ZNF423: variants seen among roughly 807,000 people sequenced by gnomAD.
ZNF423 encodes the protein Ebf-associated zinc finger protein.
Under a neutral mutation model 95.8 loss-of-function variants are expected in ZNF423, and 12 were observed. That is an observed-to-expected ratio of 0.13 (90% CI 0.08 to 0.20). ZNF423 has a LOEUF of 0.20. Ranked by LOEUF, ZNF423 falls within the 10% of genes least tolerant of loss-of-function variation. ZNF423 has a pLI of 1.00. For missense variants in ZNF423, 1,316 were observed against 1,737.1 expected (o/e 0.76, Z 4.31); for synonymous variants, 749 against 711.9 (o/e 1.05, Z -0.83).
intron 5 of ZNF423, among the ~76,000 whole-genome samples, chr16:49,552,166 C>T (rs1432263246): frequency 6.6e-6 from 1 of 152,302 alleles, no homozygotes; most frequent in South Asian, 2.1e-4. Context: ...GCAGCTGTTG[C>T]ACCAACTTAT....
intron 4 of ZNF423, among the ~76,000 whole-genome samples, chr16:49,630,656 T>C (rs1222397322): frequency 6.6e-6 from 1 of 152,086 alleles, no homozygotes; most frequent in Non-Finnish European, 1.5e-5. Flanking sequence ...TCCAGAGGCA[T>C]GCAGGGAACA....
intron 5 of ZNF423, among the ~76,000 whole-genome samples, chr16:49,582,077 C>G (rs956078945): frequency 6.6e-6 from 1 of 152,234 alleles, no homozygotes; most frequent in Non-Finnish European, 1.5e-5. Context: ...CAACTCACCA[C>G]GCTCACATAG....
At chr16:49,572,095 C>CT (rs1410404581) in intron 5 of ZNF423, among the ~76,000 whole-genome samples, 2 of 152,186 alleles carry the variant, frequency 1.3e-5, no homozygotes, top group Admixed American at 1.3e-4. Context: ...ACACATGTAA[C>CT]TAAGTCCTGA....
chr16:49,790,091 C>T (rs142164977), intron 1 of ZNF423, among the ~76,000 whole-genome samples: 1 of 152,198 alleles, frequency 6.6e-6, no homozygotes, highest in African/African-American at 2.4e-5. Context: ...TAAGCCCAGG[C>T]TGGTAGAGGC....
chr16:49,566,615 T>G (rs769230451), intron 5 of ZNF423, among the ~76,000 whole-genome samples: 1 of 152,242 alleles, frequency 6.6e-6, no homozygotes, highest in Non-Finnish European at 1.5e-5. Context: ...AGCAGCTGTA[T>G]CTCTTTCATT....
At chr16:49,626,148 C>G in intron 5 of ZNF423, 22 bp downstream of exon 5, 1 of 1,611,188 alleles carries the variant, frequency 6.2e-7, no homozygotes. Context: ...TCCAGCATGG[C>G]TGGGAGGAAA....
At chr16:49,698,754 C>T (rs1442157768) in intron 3 of ZNF423, among the ~76,000 whole-genome samples, 3 of 152,234 alleles carry the variant, frequency 2.0e-5, no homozygotes, top group Non-Finnish European at 2.9e-5. Context: ...TACCCCAGCC[C>T]GTCAGCCAAG....
chr16:49,571,844 C>G (rs1970365905), intron 5 of ZNF423, among the ~76,000 whole-genome samples: 1 of 152,216 alleles, frequency 6.6e-6, no homozygotes, highest in Admixed American at 6.5e-5. Context: ...ATGACCAACA[C>G]TGCAGAGGGC....
chr16:49,802,034 C>T (rs556936314), intron 1 of ZNF423, among the ~76,000 whole-genome samples: 189 of 152,166 alleles, frequency 1.2e-3, no homozygotes, highest in Non-Finnish European at 1.8e-3. Flanking sequence ...TAATTTTTTT[C>T]AGATGCGTCT....
intron 5 of ZNF423, among the ~76,000 whole-genome samples, chr16:49,559,111 C>A (rs1969935303): frequency 6.6e-6 from 1 of 152,250 alleles, no homozygotes; most frequent in African/African-American, 2.4e-5. Flanking sequence ...GACTCCTAAA[C>A]ACCACTCTGA....
chr16:49,578,231 G>T (rs921361694), intron 5 of ZNF423, among the ~76,000 whole-genome samples: 9 of 152,208 alleles, frequency 5.9e-5, no homozygotes, highest in African/African-American at 2.2e-4. Flanking sequence ...TCAGCAACAA[G>T]CTCCCTCTCC....
At chr16:49,657,026 GAA>G (rs1043986694) in intron 3 of ZNF423, among the ~76,000 whole-genome samples, 1 of 152,202 alleles carries the variant, frequency 6.6e-6, no homozygotes, top group African/African-American at 2.4e-5. Flanking sequence ...ATGTCCCAGG[GAA>G]AGAGAGGGAG....
At chr16:49,571,053 G>T (rs1450069933) in intron 5 of ZNF423, among the ~76,000 whole-genome samples, 1 of 152,222 alleles carries the variant, frequency 6.6e-6, no homozygotes, top group Non-Finnish European at 1.5e-5. Context: ...GGCCTAACTG[G>T]AAGAGTCATT....
At chr16:49,610,742 A>G (rs984665785) in intron 5 of ZNF423, among the ~76,000 whole-genome samples, 3 of 152,086 alleles carry the variant, frequency 2.0e-5, no homozygotes, top group African/African-American at 4.8e-5. Flanking sequence ...CTGGAAGGAA[A>G]ATGACTCACC....
chr16:49,508,685 A>G (rs1967758430), intron 7 of ZNF423, among the ~76,000 whole-genome samples: 1 of 152,006 alleles, frequency 6.6e-6, no homozygotes, highest in Non-Finnish European at 1.5e-5. Flanking sequence ...ATGTGAGGAG[A>G]GACCGGGTTA....
chr16:49,633,364 T>G (rs1972567164), intron 4 of ZNF423, among the ~76,000 whole-genome samples: 1 of 152,092 alleles, frequency 6.6e-6, no homozygotes, highest in Non-Finnish European at 1.5e-5. Flanking sequence ...AACGCTAAGG[T>G]CAGCATGAGA....
intron 3 of ZNF423, among the ~76,000 whole-genome samples, chr16:49,714,625 G>GAAAA (rs113583035): frequency 2.9e-5 from 4 of 138,652 alleles, no homozygotes; most frequent in African/African-American, 2.7e-5. Context: ...CAGCCTGGGA[G>GAAAA]AAAAAAAAAA....
intron 5 of ZNF423, among the ~76,000 whole-genome samples, chr16:49,602,105 C>T (rs1309697675): frequency 6.6e-6 from 1 of 152,230 alleles, no homozygotes; most frequent in African/African-American, 2.4e-5. Flanking sequence ...CTAGGCTCCC[C>T]GGCTTCCTGT....
intron 5 of ZNF423, among the ~76,000 whole-genome samples, chr16:49,553,687 C>T (rs1969722814): frequency 1.3e-5 from 2 of 152,084 alleles, no homozygotes; most frequent in Admixed American, 1.3e-4. Context: ...CACTCTGTTG[C>T]CCAGGCTGGA....
Sources: allele counts gnomAD v4.1 joint callset (sites outside exome capture counted in the v4.1 genomes callset), GRCh38; gene constraint gnomAD v4.1.1; transcripts MANE v1.5; gene names NCBI Gene and HGNC (gene_info 2026-07-23, HGNC 2026-07-21).